Variants in GLDC observed in about 807,000 individuals in gnomAD.
GLDC encodes glycine decarboxylase.
A neutral mutation model predicts 121.3 loss-of-function variants in GLDC; 104 were observed. That is an observed-to-expected ratio of 0.86 (90% CI 0.73 to 1.01). The LOEUF is 1.01. Ranked by LOEUF, GLDC falls within the 50% of genes least tolerant of loss-of-function variation. GLDC has a pLI of 0.00. For missense variants in GLDC, 1,429 were observed against 1,306.6 expected (o/e 1.09, Z -1.44); for synonymous variants, 546 against 480.6 (o/e 1.14, Z -1.78).
At chr9:6,608,665 G>A (rs1410767901) in intron 4 of GLDC, among the ~76,000 whole-genome samples, 1 of 152,038 alleles carries the variant, frequency 6.6e-6, no homozygotes, top group Non-Finnish European at 1.5e-5. Context: ...AGAATGGCGT[G>A]AACCCGGGAG....
intron 3 of GLDC, among the ~76,000 whole-genome samples, chr9:6,614,458 A>G (rs1818928627): frequency 6.6e-6 from 1 of 150,428 alleles, no homozygotes; most frequent in African/African-American, 2.5e-5. Flanking sequence ...CTGGTCTCAA[A>G]CTCCTGGGCT....
rs367781728 is a variant in GLDC, at chr9:6,553,473, G to A, written c.2352C>T (p.Pro784=). 8.0e-5 allele frequency: 129 copies of A among 1,613,894 alleles called. 1 individual carries two copies. Among genetic ancestry groups the A allele is most frequent in the African/African-American group, 3.5e-4 (26 of 74,986 alleles). The change falls in exon 20 of 25, where the codon CCC becomes CCT. Residue 784 remains proline (P), a synonymous_variant. Coordinates refer to ENST00000321612, the MANE Select transcript of GLDC (RefSeq NM_000170.3). The part of the protein sequence containing the change: ...KHLAPFLPNH[P]VISLKRNEDA... ...CCTCATTCCGCTTTAGTGAAATGAC[G>A]GGATGATTGGGCAAAAACGGGGCGA...
At chr9:6,645,221 G>T in intron 1 of GLDC, 24 bp downstream of exon 1, 1 of 1,564,908 alleles carries the variant, frequency 6.4e-7, no homozygotes, top group South Asian at 1.2e-5. Flanking sequence ...GGGAGGCCGC[G>T]GAGGGCCGGG....
At chr9:6,570,786 G>T (rs1355948696) in intron 15 of GLDC, among the ~76,000 whole-genome samples, 1 of 150,998 alleles carries the variant, frequency 6.6e-6, no homozygotes, top group African/African-American at 2.4e-5. Context: ...CCCAGCAGGT[G>T]GAGGTTCCAG....
At chr9:6,595,249 G>T in intron 8 of GLDC, 130 bp from the exon 9 acceptor site, 1 of 751,870 alleles carries the variant, frequency 1.3e-6, no homozygotes, top group Non-Finnish European at 2.4e-6. Context: ...TACATTCTTT[G>T]ATAGTTGGGG....
At chr9:6,542,494 C>G (rs62566159) in intron 21 of GLDC, 38,157 of 152,054 alleles carry the variant, frequency 0.25, 5,892 homozygotes, top group East Asian at 0.48. Context: ...ACCTCAGCCT[C>G]CCAAAGTGCT....
At chr9:6,607,552 A>G (rs1267953908) in intron 4 of GLDC, among the ~76,000 whole-genome samples, 2 of 152,176 alleles carry the variant, frequency 1.3e-5, no homozygotes, top group Non-Finnish European at 2.9e-5. Context: ...ACTGCACTCC[A>G]GCCTAGGCCA....
Position 6,555,434 on chromosome 9 carries a change from T to C in GLDC, c.2203-653A>G, listed in dbSNP as rs1817604295. On this transcript the variant is annotated intron_variant, in intron 18 of 24. Coordinates refer to ENST00000321612, the MANE Select transcript of GLDC (RefSeq NM_000170.3). ...ATAGACAATCTCTGGATTACACTTG[T>C]GAAATGAATGAGAACCAAAGAAAGG... 2.0e-5 allele frequency among the ~76,000 whole-genome samples: 3 copies of C among 151,528 alleles called. No homozygotes were observed. In the South Asian group the frequency reaches 6.2e-4, roughly 32 times the overall value.
At chr9:6,600,020 T>G (rs73639329) in intron 8 of GLDC, among the ~76,000 whole-genome samples, 1 of 152,090 alleles carries the variant, frequency 6.6e-6, no homozygotes, top group East Asian at 1.9e-4. Flanking sequence ...AAGAGCACTC[T>G]ACCTCCCATT....
Position 6,556,313 on chromosome 9 carries a change from A to C in GLDC, c.2053-11T>G, listed in dbSNP as rs752086205. On this transcript the variant is annotated splice_polypyrimidine_tract_variant and intron_variant, in intron 17 of 24. Transcript: ENST00000321612. ...CTTGTGCTTATCCACCTGTGAAAGAAAAGGGGTAGAGAAGGACATGGAGGG... is the reference window on the plus strand; with the variant it reads ...CTTGTGCTTATCCACCTGTGAAAGACAAGGGGTAGAGAAGGACATGGAGGG... The C allele has an allele frequency of 5.0e-6, 8 of 1,611,722 alleles. No homozygotes were observed. Among genetic ancestry groups the C allele is most frequent in the Admixed American group, 3.3e-5 (2 of 60,018 alleles).
chr9:6,577,247 G>A (rs1193805172), intron 15 of GLDC, among the ~76,000 whole-genome samples: 2 of 152,244 alleles, frequency 1.3e-5, no homozygotes, highest in Non-Finnish European at 2.9e-5. Context: ...CCAGAGAGTT[G>A]TATTCTGAGT....
chr9:6,611,555 C>A (rs1446560283), intron 3 of GLDC, among the ~76,000 whole-genome samples: 71 of 141,030 alleles, frequency 5.0e-4, no homozygotes, highest in African/African-American at 8.2e-4. Context: ...GACTCCGTCT[C>A]AAAAAAAAAA....
intron 4 of GLDC, 90 bp downstream of exon 4, chr9:6,610,102 A>T: frequency 2.0e-6 from 2 of 996,734 alleles, no homozygotes; most frequent in Non-Finnish European, 3.1e-6. Flanking sequence ...AAGCTGACTA[A>T]AGTAATATTC....
chr9:6,559,516 T>TAA (rs56198084), intron 16 of GLDC, among the ~76,000 whole-genome samples: 92 of 83,270 alleles, frequency 1.1e-3, no homozygotes, highest in Non-Finnish European at 1.5e-3. Context: ...ACTCCGTATT[T>TAA]AAAAAAAAAA....
chr9:6,603,690 C>A (rs1032592324), intron 7 of GLDC, among the ~76,000 whole-genome samples: 5 of 151,654 alleles, frequency 3.3e-5, no homozygotes, highest in African/African-American at 1.2e-4. Flanking sequence ...CAGTAATAAT[C>A]CTGGAATGCA....
chr9:6,535,813 T>C, intron 23 of GLDC: 1 of 524,996 alleles, frequency 1.9e-6, no homozygotes, highest in East Asian at 3.5e-5. Flanking sequence ...CAAACAGAGA[T>C]GCAGAATGTT....
rs1817042801 is a variant in GLDC, at chr9:6,533,379, G to A, written c.2920-219C>T. ...CCCCTGTTAAGCATCCCTATGTGCT[G>A]TTGATATCTGGACCAGTTTATAGCA... On this transcript the variant is annotated intron_variant, in intron 24 of 24. Transcript: ENST00000321612. Among the ~76,000 whole-genome samples the A allele has an allele frequency of 2.6e-5, 4 of 152,164 alleles. No individual in the cohort carries two copies. The South Asian group carries it at 6.2e-4, about 24-fold the overall frequency.
At chr9:6,551,084 C>T (rs1319723388) in intron 20 of GLDC, among the ~76,000 whole-genome samples, 170 bp from the exon 21 acceptor site, 2 of 152,196 alleles carry the variant, frequency 1.3e-5, no homozygotes, top group African/African-American at 2.4e-5. Context: ...TGTCAGATCC[C>T]TGTAAGCCTG....
At chr9:6,619,525 C>T (rs111721595) in intron 3 of GLDC, among the ~76,000 whole-genome samples, 3 of 152,104 alleles carry the variant, frequency 2.0e-5, no homozygotes, top group African/African-American at 7.2e-5. Context: ...GTCAGGAGTT[C>T]GAGACCAGCC....
Sources: gnomAD v4.1 joint callset for allele counts (sites outside exome capture counted in the v4.1 genomes callset) on GRCh38, gnomAD v4.1.1 for gene constraint, MANE v1.5 for transcripts, NCBI Gene and HGNC (gene_info 2026-07-23, HGNC 2026-07-21) for gene names.